Variants in PIP4K2A observed in about 807,000 individuals in gnomAD.
PIP4K2A encodes phosphatidylinositol-5-phosphate 4-kinase type 2 alpha.
In PIP4K2A, 14 loss-of-function variants were observed where a neutral mutation model predicts 42.9. That is an observed-to-expected ratio of 0.33 (90% CI 0.22 to 0.51). PIP4K2A has a LOEUF of 0.51. Among genes scored for constraint, PIP4K2A ranks in the 20% least tolerant of loss-of-function variants. The pLI, the probability that PIP4K2A is intolerant of heterozygous loss-of-function variation, is 0.97. For missense variants in PIP4K2A, 434 were observed against 519.8 expected, an observed-to-expected ratio of 0.83 and a Z score of 1.61; for synonymous variants, 192 against 192.2, an observed-to-expected ratio of 1.00 and a Z score of 0.01.
At chr10:22,681,946 A>C (rs1564465946) in intron 1 of PIP4K2A, among the ~76,000 whole-genome samples, 1 of 152,198 alleles carries the variant, frequency 6.6e-6, no homozygotes, top group Non-Finnish European at 1.5e-5. Flanking sequence ...CAGACACTGA[A>C]ATTTGAATTT....
At chr10:22,602,394 T>TAAA (rs71395805) in intron 3 of PIP4K2A, among the ~76,000 whole-genome samples, 4 of 101,320 alleles carry the variant, frequency 3.9e-5, no homozygotes, top group African/African-American at 9.3e-5. Flanking sequence ...ACTCTGTCTA[T>TAAA]AAAAAAAAAA....
intron 1 of PIP4K2A, chr10:22,661,656 T>G (rs1254077829): frequency 6.6e-6 from 1 of 152,210 alleles, no homozygotes; most frequent in Non-Finnish European, 1.5e-5. Flanking sequence ...AGCCACTCAC[T>G]GGCCTTAAAT....
At chr10:22,543,100 G>A (rs1222401699) in intron 7 of PIP4K2A, among the ~76,000 whole-genome samples, 1 of 152,200 alleles carries the variant, frequency 6.6e-6, no homozygotes, top group Non-Finnish European at 1.5e-5. Context: ...TTGAAGTTCT[G>A]GCTAAAAATG....
At position 22,537,318 on chromosome 10, in the gene PIP4K2A, GTTTATGATTTCCCCAAA is replaced by G. The variant is rs774367155; in HGVS notation, c.1141-54_1141-38del. The G allele has an allele frequency of 4.7e-6, 7 of 1,477,540 alleles. No individual in the cohort carries two copies. In the South Asian group the frequency reaches 8.4e-5, roughly 18 times the overall value. The allele number at this position is 1,477,540 out of a possible 1,614,324, so 91.5% of individuals were successfully genotyped here. ...TTAAAAAAGGAAATATTGACATAGT[GTTTATGATTTCCCCAAA>G]TTATTACTCAATATCTACAGCTATT... On this transcript the variant is annotated intron_variant, in intron 9 of 9. Transcript: ENST00000376573.
chr10:22,654,038 G>C (rs180863912), intron 1 of PIP4K2A, among the ~76,000 whole-genome samples: 20 of 152,262 alleles, frequency 1.3e-4, no homozygotes, highest in African/African-American at 4.6e-4. Flanking sequence ...GTGCAGCAGT[G>C]TCTCTCCTCA....
At chr10:22,657,947 TAG>T (rs1839133052) in intron 1 of PIP4K2A, among the ~76,000 whole-genome samples, 1 of 152,212 alleles carries the variant, frequency 6.6e-6, no homozygotes, top group Non-Finnish European at 1.5e-5. Flanking sequence ...TAGCTGGACG[TAG>T]AAAGTGGGAC....
intron 1 of PIP4K2A, among the ~76,000 whole-genome samples, chr10:22,622,811 C>T (rs1327194674): frequency 6.6e-6 from 1 of 152,184 alleles, no homozygotes. Flanking sequence ...TATTTAACAT[C>T]ATGCAATACT....
At chr10:22,542,663 G>A (rs558806004) in intron 7 of PIP4K2A, among the ~76,000 whole-genome samples, 4 of 152,298 alleles carry the variant, frequency 2.6e-5, no homozygotes, top group East Asian at 3.9e-4. Context: ...TCCTCCAGCC[G>A]TGGCTAGAAC....
rs372062922 is a variant in PIP4K2A, at chr10:22,646,657, C to A, written c.145-36940G>T. 5.9e-5 allele frequency among the ~76,000 whole-genome samples: 9 copies of A among 152,296 alleles called. No individual in the cohort carries two copies. The East Asian group carries it at 9.6e-4, about 16-fold the overall frequency. On this transcript the variant is annotated intron_variant, in intron 1 of 9. Transcript: ENST00000376573. Reference sequence around the variant, plus strand: ...GAGAGTAAAAGCCACAGTATACAACCTGCGTTTGTAACTTGGGAGGGACAC... The same window carrying A: ...GAGAGTAAAAGCCACAGTATACAACATGCGTTTGTAACTTGGGAGGGACAC...
intron 1 of PIP4K2A, among the ~76,000 whole-genome samples, chr10:22,685,778 G>GA (rs1267303508): frequency 6.6e-6 from 1 of 152,032 alleles, no homozygotes; most frequent in African/African-American, 2.4e-5. Context: ...GGGAGAAAGA[G>GA]AAAAGCTACC....
chr10:22,636,246 A>G (rs1357475696), intron 1 of PIP4K2A, among the ~76,000 whole-genome samples: 2 of 152,130 alleles, frequency 1.3e-5, no homozygotes, highest in East Asian at 3.9e-4. Context: ...TTTATTTTTC[A>G]AATTTATTTA....
chr10:22,558,837 T>C (rs1414426848), intron 6 of PIP4K2A, among the ~76,000 whole-genome samples: 1 of 152,194 alleles, frequency 6.6e-6, no homozygotes, highest in Non-Finnish European at 1.5e-5. Context: ...CGCGCAAAAC[T>C]GGAGAAGCGT....
In PIP4K2A at chr10:22,590,995, G is replaced by C. The variant is rs148468841; in HGVS notation, c.492+634C>G. 4.3e-3 allele frequency among the ~76,000 whole-genome samples: 649 copies of C among 152,322 alleles called. 7 individuals carry two copies. Among genetic ancestry groups the C allele is most frequent in the African/African-American group, 0.015 (623 of 41,572 alleles). Reference sequence around the variant, plus strand: ...TGGTGAAGGAGGCCTCTCACAGCGCGGGCTGGGCCTTGGGAACATGTGCTC... The same window carrying C: ...TGGTGAAGGAGGCCTCTCACAGCGCCGGCTGGGCCTTGGGAACATGTGCTC... On this transcript the variant is annotated intron_variant, in intron 4 of 9. Coordinates refer to ENST00000376573, the MANE Select transcript of PIP4K2A (RefSeq NM_005028.5).
At chr10:22,596,506 T>C (rs1837639252) in intron 3 of PIP4K2A, among the ~76,000 whole-genome samples, 1 of 152,178 alleles carries the variant, frequency 6.6e-6, no homozygotes, top group Non-Finnish European at 1.5e-5. Flanking sequence ...TTCAACACAG[T>C]CACTGTGCTG....
rs1839457416 is a variant in PIP4K2A at position 22,671,848 on chromosome 10, G to A, written c.144+42335C>T. Among the ~76,000 whole-genome samples the A allele has an allele frequency of 2.0e-5, 3 of 151,786 alleles. No individual in the cohort carries two copies. In the South Asian group the frequency reaches 6.3e-4, roughly 32 times the overall value. The stretch of plus-strand genomic sequence containing the variant: ...GACGCTGTTGTTCTTTCATGAAGTA[G>A]ACAGGCCCATTACCACTAAGAAACA... On this transcript the variant is annotated intron_variant, in intron 1 of 9. Coordinates refer to ENST00000376573, the MANE Select transcript of PIP4K2A (RefSeq NM_005028.5).
At position 22,536,034 on chromosome 10, in the gene PIP4K2A, T is replaced by G; in HGVS notation, c.*1167A>C. On this transcript the variant is annotated 3_prime_UTR_variant, in exon 10 of 10. Transcript: ENST00000376573. The stretch of plus-strand genomic sequence containing the variant: ...CTATACTGTGACTTTACATGTAAAC[T>G]TCAAAAATCACATGCTGTACATCAA... 2.5e-6 allele frequency: 1 copy of G among 398,398 alleles called. No homozygotes were observed. The highest frequency in any genetic ancestry group is 4.4e-6 in the Non-Finnish European group (1 of 225,940). 24.7% of individuals were successfully genotyped at this position (398,398 alleles called of 1,614,324 possible).
intron 1 of PIP4K2A, among the ~76,000 whole-genome samples, chr10:22,648,632 GAA>G (rs1443635963): frequency 6.6e-6 from 1 of 152,088 alleles, no homozygotes. Flanking sequence ...TTATCTCCAG[GAA>G]GAACAGAAAA....
At chr10:22,710,314 G>A (rs1184163271) in intron 1 of PIP4K2A, among the ~76,000 whole-genome samples, 1 of 152,166 alleles carries the variant, frequency 6.6e-6, no homozygotes, top group Non-Finnish European at 1.5e-5. Context: ...AAACTGCCTG[G>A]CAGGCCCTTT....
chr10:22,537,314 T>G (rs371590882), intron 9 of PIP4K2A, 33 bp from the exon 10 acceptor site: 3 of 1,505,718 alleles, frequency 2.0e-6, no homozygotes, highest in Middle Eastern at 1.7e-4. Context: ...AATATTGACA[T>G]AGTGTTTATG....
Sources: allele counts gnomAD v4.1 joint callset (sites outside exome capture counted in the v4.1 genomes callset), GRCh38; gene constraint gnomAD v4.1.1; transcripts MANE v1.5; gene names NCBI Gene and HGNC (gene_info 2026-07-23, HGNC 2026-07-21).